The following CIROZ variants were observed in gnomAD, a reference collection of about 807,000 sequenced individuals.
The protein encoded by CIROZ is ciliated left-right organizer protein containing ZP-N domains, also known as ciliated left-right organizer ZP-N domains-containing protein.
the CIROZ span, among the ~76,000 whole-genome samples, chr1:10,952,845 T>A: frequency 6.6e-6 from 1 of 152,174 alleles, no homozygotes; most frequent in Non-Finnish European, 1.5e-5. Context: ...CCCTTCCAGA[T>A]TGGACGCTGC....
chr1:10,968,722 GA>G, the CIROZ span, among the ~76,000 whole-genome samples: 2 of 152,196 alleles, frequency 1.3e-5, no homozygotes, highest in Admixed American at 6.5e-5. Flanking sequence ...CACGTGAAAT[GA>G]AAACTCTTCC....
chr1:10,979,849 A>G, the CIROZ span, among the ~76,000 whole-genome samples: 1 of 152,188 alleles, frequency 6.6e-6, no homozygotes, highest in Non-Finnish European at 1.5e-5. Context: ...GGGGTTTGAG[A>G]GCAGCCTAGC....
At chr1:10,978,313 T>C in the CIROZ span, among the ~76,000 whole-genome samples, 1 of 150,466 alleles carries the variant, frequency 6.6e-6, no homozygotes, top group African/African-American at 2.4e-5. Context: ...TCTCCCAAAG[T>C]GCTGGGATTA....
the CIROZ span, chr1:10,970,173 G>T: frequency 8.2e-7 from 1 of 1,224,462 alleles, no homozygotes; most frequent in Non-Finnish European, 1.1e-6. Flanking sequence ...AGGAAGGAAG[G>T]AAGGAAAAGA....
At chr1:10,976,373 T>C in the CIROZ span, 1 of 717,738 alleles carries the variant, frequency 1.4e-6, no homozygotes, top group South Asian at 1.9e-5. Context: ...TCTCGCTCCG[T>C]CACCCTGGCT....
chr1:10,948,137 T>C, the CIROZ span: 1 of 1,613,564 alleles, frequency 6.2e-7, no homozygotes. Context: ...GGGTGGAGAA[T>C]GTGGCATCCC....
chr1:10,955,178 G>A, the CIROZ span: 1 of 1,601,716 alleles, frequency 6.2e-7, no homozygotes, highest in Non-Finnish European at 8.5e-7. Context: ...GACTCTGGCT[G>A]GAATGACACT....
the CIROZ span, among the ~76,000 whole-genome samples, chr1:10,961,425 C>T: frequency 1.3e-4 from 19 of 151,922 alleles, no homozygotes; most frequent in African/African-American, 3.9e-4. Context: ...AGCAAAGGAA[C>T]TTTAGAGAGT....
At chr1:10,955,252 G>T in the CIROZ span, 1 of 1,462,584 alleles carries the variant, frequency 6.8e-7, no homozygotes, top group East Asian at 2.3e-5. Flanking sequence ...CAAATTAAGT[G>T]GTGGTGGGCC....
At chr1:10,979,843 T>C in the CIROZ span, among the ~76,000 whole-genome samples, 1 of 151,318 alleles carries the variant, frequency 6.6e-6, no homozygotes, top group Non-Finnish European at 1.5e-5. Flanking sequence ...AGGTCAGGGG[T>C]TTGAGAGCAG....
the CIROZ span, chr1:10,966,573 T>C: frequency 1.2e-5 from 16 of 1,347,622 alleles, no homozygotes; most frequent in Non-Finnish European, 1.6e-5. Context: ...AGATAGAAAC[T>C]GCTCCGCCTG....
At chr1:10,966,248 T>C in the CIROZ span, 1 of 1,328,820 alleles carries the variant, frequency 7.5e-7, no homozygotes, top group African/African-American at 1.5e-5. Context: ...CTCAGCTCAG[T>C]TTCTGCAGAG....
chr1:10,972,167 C>T, the CIROZ span, among the ~76,000 whole-genome samples: 1 of 152,108 alleles, frequency 6.6e-6, no homozygotes, highest in Non-Finnish European at 1.5e-5. Flanking sequence ...ATTGTTCAGC[C>T]CCAGGAAGTG....
At chr1:10,965,809 C>T in the CIROZ span, among the ~76,000 whole-genome samples, 1 of 147,856 alleles carries the variant, frequency 6.8e-6, no homozygotes, top group Non-Finnish European at 1.5e-5. Context: ...GGTGCCAGAG[C>T]GAGCCTCCGT....
chr1:10,978,083 C>T, the CIROZ span, among the ~76,000 whole-genome samples: 2 of 151,052 alleles, frequency 1.3e-5, no homozygotes, highest in African/African-American at 2.4e-5. Flanking sequence ...GCAGGAGAAT[C>T]GCTTGAACCC....
the CIROZ span, among the ~76,000 whole-genome samples, chr1:10,957,336 C>T: frequency 6.6e-6 from 1 of 152,252 alleles, no homozygotes; most frequent in Non-Finnish European, 1.5e-5. Flanking sequence ...TGTGAGCCGT[C>T]TTCTCTTACA....
At chr1:10,958,596 C>T in the CIROZ span, 19 of 1,223,052 alleles carry the variant, frequency 1.6e-5, no homozygotes, top group Admixed American at 5.2e-5. Context: ...GTACCATCCA[C>T]GACACTCTCC....
At chr1:10,953,790 A>G in the CIROZ span, among the ~76,000 whole-genome samples, 1 of 152,178 alleles carries the variant, frequency 6.6e-6, no homozygotes, top group Non-Finnish European at 1.5e-5. Context: ...CCTCCCTGGC[A>G]GACTCCAGGG....
At chr1:10,966,823 G>C in the CIROZ span, among the ~76,000 whole-genome samples, 11 of 152,040 alleles carry the variant, frequency 7.2e-5, no homozygotes, top group Admixed American at 7.2e-4. Context: ...TGTTCAAAAT[G>C]TAGGCAGATT....
Sources: gnomAD v4.1 joint callset for allele counts (sites outside exome capture counted in the v4.1 genomes callset) on GRCh38, gnomAD v4.1.1 for gene constraint, MANE v1.5 for transcripts, NCBI Gene and HGNC (gene_info 2026-07-23, HGNC 2026-07-21) for gene names.